Variants in CLP1 observed in about 807,000 individuals in gnomAD.
The protein encoded by CLP1 is polyribonucleotide 5'-hydroxyl-kinase Clp1.
A neutral mutation model predicts 29.9 loss-of-function variants in CLP1; 18 were observed. That is an observed-to-expected ratio of 0.60 (90% CI 0.42 to 0.89). CLP1 has a LOEUF of 0.89. Ranked by LOEUF, CLP1 falls within the 40% of genes least tolerant of loss-of-function variation. The pLI, the probability that CLP1 is intolerant of heterozygous loss-of-function variation, is 0.00. For synonymous variants in CLP1, 162 were observed against 206.2 expected (o/e 0.79, Z 1.84); for missense variants, 357 against 544.8 (o/e 0.66, Z 3.43).
rs1945856725 is a variant in CLP1, at chr11:57,659,765, CA to C, written c.290del (p.His97ProfsTer21). ...TCCTATGTTGCTTTACCTCAACACT[CA>C]CACAGCCTTGGAACAGATGCGGAGG... ...DTPMLLYLNT[H>X]TALEQMRRQA... On this transcript the variant is annotated frameshift_variant, in exon 2 of 3. Coordinates refer to ENST00000533682, the MANE Select transcript of CLP1 (RefSeq NM_006831.3). LOFTEE classifies it high-confidence loss of function. 6.2e-7 allele frequency: 1 copy of C among 1,614,102 alleles called. No homozygotes were observed. The highest frequency in any genetic ancestry group is 8.5e-7 in the Non-Finnish European group (1 of 1,180,056).
Position 57,661,483 on chromosome 11 carries a change from C to A in CLP1, c.*47C>A. The A allele has an allele frequency of 3.3e-6, 5 of 1,500,682 alleles. No homozygotes were observed. The highest frequency in any genetic ancestry group is 1.4e-5 in the African/African-American group (1 of 72,550). The allele number at this position is 1,500,682 out of a possible 1,614,324, so 93.0% of individuals were successfully genotyped here. A position where few individuals can be genotyped will look rare whatever the true frequency, so the allele number is the denominator to read the frequency against. ...GCCTGGGACATAGAGATCATCTGGC[C>A]ACCCCTAGAGGCAGATGGGCTGAGA... is the stretch of plus-strand genomic sequence containing the variant. On this transcript the variant is annotated 3_prime_UTR_variant, in exon 3 of 3. Transcript: ENST00000533682.
Position 57,661,444 on chromosome 11 carries a change from C to A in CLP1, c.*8C>A. 1 of 1,597,562 alleles carries A rather than the reference C, an allele frequency of 6.3e-7. No homozygotes were observed. Among genetic ancestry groups the A allele is most frequent in the South Asian group, 1.1e-5 (1 of 88,190 alleles). On this transcript the variant is annotated 3_prime_UTR_variant, in exon 3 of 3. Coordinates refer to ENST00000533682, the MANE Select transcript of CLP1 (RefSeq NM_006831.3). ...TTCATGGATCTGAAGTAGAGATCAG[C>A]AGGAAGCCTTGCTGCCTGGGACATA...
rs1590847511 is a variant in CLP1, at chr11:57,660,052, T to C, written c.576T>C (p.Thr192=). ...APLVYHFGST[T]PGTNIKLYNK... is the part of the protein sequence containing the mutation. ...TGGTGTATCATTTTGGTTCCACCAC[T>C]CCTGGCACTAACATCAAGCTTTATA... The change falls in exon 2 of 3, where the codon ACT becomes ACC. Residue 192 remains threonine (T), a synonymous_variant. Coordinates refer to ENST00000533682, the MANE Select transcript of CLP1 (RefSeq NM_006831.3). 1 of 1,592,710 alleles carries C rather than the reference T, an allele frequency of 6.3e-7. No homozygotes were observed. The highest frequency in any genetic ancestry group is 8.6e-7 in the Non-Finnish European group (1 of 1,167,602).
chr11:57,659,290 T>C, intron 1 of CLP1, 165 bp from the exon 2 acceptor site: 1 of 632,080 alleles, frequency 1.6e-6, no homozygotes, highest in Non-Finnish European at 2.7e-6. Context: ...GGTTTCACCA[T>C]GTTGGCCAGG....
rs1462393240 is a variant in CLP1, at chr11:57,660,776, T to A, written c.618T>A (p.Arg206=). ...CCTCTCTTTTGCAGATTACATCTCG[T>A]TTAGCAGATGTGTTCAACCAAAGGT... ...NIKLYNKITS[R]LADVFNQRCE... Residue 206 remains arginine, a synonymous_variant, in exon 3 of 3, where the codon CGT becomes CGA. Transcript: ENST00000533682. The A allele has an allele frequency of 6.3e-7, 1 of 1,590,380 alleles. No homozygotes were observed. The highest frequency in any genetic ancestry group is 8.6e-7 in the Non-Finnish European group (1 of 1,165,582).
At chr11:57,658,233 G>A (rs1187583264) in intron 1 of CLP1, among the ~76,000 whole-genome samples, 1 of 152,196 alleles carries the variant, frequency 6.6e-6, no homozygotes, top group Non-Finnish European at 1.5e-5. Flanking sequence ...GACCCGGTGT[G>A]CTCTGCTTTG....
chr11:57,661,588 G>A lies in CLP1; in HGVS notation c.*152G>A. On this transcript the variant is annotated 3_prime_UTR_variant, in exon 3 of 3. Transcript: ENST00000533682. ...TATTCTACCTCTAAAAACAGGTAGTGGTAACCTGACTCTTCTAATCTTGAA... is the reference window on the plus strand; with the variant it reads ...TATTCTACCTCTAAAAACAGGTAGTAGTAACCTGACTCTTCTAATCTTGAA... 1 of 637,650 alleles carries A rather than the reference G, an allele frequency of 1.6e-6. No individual in the cohort carries two copies. Among genetic ancestry groups the A allele is most frequent in the South Asian group, 2.0e-5 (1 of 48,840 alleles). 39.5% of individuals were successfully genotyped at this position (637,650 alleles called of 1,614,324 possible). A position where few individuals can be genotyped will look rare whatever the true frequency, so the allele number is the denominator to read the frequency against.
rs1945857706 is a variant in CLP1, at chr11:57,659,863, A to G, written c.387A>G (p.Thr129=). 2 of 1,614,080 alleles carry G rather than the reference A, an allele frequency of 1.2e-6. No individual in the cohort carries two copies. The highest frequency in any genetic ancestry group is 2.7e-5 in the African/African-American group (2 of 74,928). Residue 129 remains threonine, a synonymous_variant, in exon 2 of 3, where the codon ACA becomes ACG. Coordinates refer to ENST00000533682, the MANE Select transcript of CLP1 (RefSeq NM_006831.3). ...GCCCCACTGATGTGGGCAAGTCTAC[A>G]GTGTGTCGCCTTCTGCTCAACTACG... is the stretch of plus-strand genomic sequence containing the variant. The part of the protein sequence containing the change: ...VVGPTDVGKS[T]VCRLLLNYAV...
Position 57,661,000 on chromosome 11 carries a change from A to G in CLP1, c.842A>G (p.Lys281Arg). 1 of 1,614,156 alleles carries G rather than the reference A, an allele frequency of 6.2e-7. No homozygotes were observed. The highest frequency in any genetic ancestry group is 1.1e-5 in the South Asian group (1 of 91,072). ...PHFVRTVLLP[K>R]SGGVVERSKD... is the part of the protein sequence containing the mutation. ...TTTGTACGCACTGTGCTGCTCCCTA[A>G]ATCTGGGGGTGTGGTGGAGCGCTCC... The change falls in exon 3 of 3, where the codon AAA becomes AGA. Residue 281 changes from lysine to arginine, a missense_variant. Transcript: ENST00000533682.
Position 57,659,954 on chromosome 11 carries a change from C to G in CLP1, c.478C>G (p.Pro160Ala). Residue 160 changes from proline (P) to alanine (A), a missense_variant, in exon 2 of 3, where the codon CCT becomes GCT. Coordinates refer to ENST00000533682, the MANE Select transcript of CLP1 (RefSeq NM_006831.3). ...TGTGGGCCAGGGTTCTGTGTCCATCCCTGGTACCATGGGGGCCCTCTACAT... is the reference window on the plus strand; with the variant it reads ...TGTGGGCCAGGGTTCTGTGTCCATCGCTGGTACCATGGGGGCCCTCTACAT... ...LDVGQGSVSI[P>A]GTMGALYIER... 3 of 1,614,098 alleles carry G rather than the reference C, an allele frequency of 1.9e-6. No homozygotes were observed. The highest frequency in any genetic ancestry group is 2.5e-6 in the Non-Finnish European group (3 of 1,179,988).
chr11:57,661,580 C>T lies in CLP1; in HGVS notation c.*144C>T. On this transcript the variant is annotated 3_prime_UTR_variant, in exon 3 of 3. Transcript: ENST00000533682. ...AAAGTTCATATTCTACCTCTAAAAA[C>T]AGGTAGTGGTAACCTGACTCTTCTA... 1 of 659,968 alleles carries T rather than the reference C, an allele frequency of 1.5e-6. No homozygotes were observed. Among genetic ancestry groups the T allele is most frequent in the Non-Finnish European group, 2.6e-6 (1 of 390,762 alleles). 40.9% of individuals were successfully genotyped at this position (659,968 alleles called of 1,614,324 possible).
At chr11:57,658,549 A>G (rs1358496661) in intron 1 of CLP1, among the ~76,000 whole-genome samples, 2 of 152,196 alleles carry the variant, frequency 1.3e-5, no homozygotes, top group East Asian at 3.8e-4. Context: ...CGATGGTGAT[A>G]AGAAATATGG....
rs1945877776 is a variant in CLP1 at position 57,661,551 on chromosome 11, GT to G, written c.*116del. On this transcript the variant is annotated 3_prime_UTR_variant, in exon 3 of 3. Transcript: ENST00000533682. ...CACCTGACCAGTAAACTGTGGACTAGTAGAAAGTTCATATTCTACCTCTAAA... is the reference window on the plus strand; with the variant it reads ...CACCTGACCAGTAAACTGTGGACTAGAGAAAGTTCATATTCTACCTCTAAA... The G allele has an allele frequency of 1.2e-6, 1 of 818,322 alleles. No individual in the cohort carries two copies. Among genetic ancestry groups the G allele is most frequent in the Admixed American group, 2.6e-5 (1 of 38,300 alleles). The allele number at this position is 818,322 out of a possible 1,614,324, so 50.7% of individuals were successfully genotyped here. A position where few individuals can be genotyped will look rare whatever the true frequency, so the allele number is the denominator to read the frequency against.
intron 1 of CLP1, among the ~76,000 whole-genome samples, chr11:57,659,165 C>T (rs1945848992): frequency 1.3e-5 from 2 of 148,404 alleles, no homozygotes; most frequent in African/African-American, 5.0e-5. Context: ...GTCACTGCAG[C>T]CTCTGCCACC....
intron 1 of CLP1, among the ~76,000 whole-genome samples, chr11:57,658,851 G>C (rs1018310129): frequency 6.6e-6 from 1 of 152,148 alleles, no homozygotes; most frequent in Non-Finnish European, 1.5e-5. Flanking sequence ...TGTTGGCCAA[G>C]CTGGTCTTGA....
chr11:57,660,853 G>T lies in CLP1; in HGVS notation c.695G>T (p.Gly232Val). The T allele has an allele frequency of 6.2e-7, 1 of 1,614,162 alleles. No individual in the cohort carries two copies. Among genetic ancestry groups the T allele is most frequent in the Non-Finnish European group, 8.5e-7 (1 of 1,180,030 alleles). Reference protein sequence around the residue: ...SVSGCVINTCGWVKGSGYQAL... With the variant: ...SVSGCVINTCVWVKGSGYQAL... ...AGTGGCTGTGTCATTAACACCTGTG[G>T]CTGGGTCAAGGGCTCTGGTTACCAG... Residue 232 changes from glycine (G) to valine (V), a missense_variant, in exon 3 of 3, where the codon GGC (glycine) becomes GTC (valine). Gly to Val is a moderately radical substitution (Grantham distance 109, BLOSUM62 -3). Coordinates refer to ENST00000533682, the MANE Select transcript of CLP1 (RefSeq NM_006831.3).
chr11:57,660,790 TC>T lies in CLP1; in HGVS notation c.633del (p.Phe211LeufsTer7). 1 of 1,601,632 alleles carries T rather than the reference TC, an allele frequency of 6.2e-7. No homozygotes were observed. The highest frequency in any genetic ancestry group is 1.7e-5 in the Admixed American group (1 of 59,036). ...NKITSRLADV[F>X]NQRCEVNRRA... ...ATTACATCTCGTTTAGCAGATGTGTTCAACCAAAGGTGTGAGGTGAACCGAA... is the reference window on the plus strand; with the variant it reads ...ATTACATCTCGTTTAGCAGATGTGTTAACCAAAGGTGTGAGGTGAACCGAA... On this transcript the variant is annotated frameshift_variant, in exon 3 of 3. Coordinates refer to ENST00000533682, the MANE Select transcript of CLP1 (RefSeq NM_006831.3). LOFTEE classifies it high-confidence loss of function.
In CLP1 at chr11:57,660,878, G is replaced by C. The variant is rs1468730950; in HGVS notation, c.720G>C (p.Gln240His). Reference protein sequence around the residue: ...TCGWVKGSGYQALVHAASAFE... With the variant: ...TCGWVKGSGYHALVHAASAFE... ...GCTGGGTCAAGGGCTCTGGTTACCA[G>C]GCTCTGGTGCATGCAGCCTCAGCTT... Residue 240 changes from glutamine to histidine, a missense_variant, in exon 3 of 3, where the codon CAG (glutamine) becomes CAC (histidine). Gln to His is a conservative substitution (Grantham distance 24, BLOSUM62 0). Transcript: ENST00000533682. The C allele has an allele frequency of 1.2e-6, 2 of 1,614,154 alleles. No individual in the cohort carries two copies. Among genetic ancestry groups the C allele is most frequent in the Admixed American group, 1.7e-5 (1 of 60,016 alleles).
intron 1 of CLP1, among the ~76,000 whole-genome samples, chr11:57,658,954 T>G (rs1389863332): frequency 1.3e-5 from 2 of 151,712 alleles, no homozygotes. Context: ...TTTGCATTTT[T>G]TCTACAGACG....
Sources: allele counts gnomAD v4.1 joint callset (sites outside exome capture counted in the v4.1 genomes callset), GRCh38; gene constraint gnomAD v4.1.1; transcripts MANE v1.5; gene names NCBI Gene and HGNC (gene_info 2026-07-23, HGNC 2026-07-21).